The following PPP1R16B variants were observed in gnomAD, a reference collection of about 807,000 sequenced individuals.
PPP1R16B encodes the protein protein phosphatase 1 regulatory subunit 16B.
In PPP1R16B, 14 loss-of-function variants were observed where a neutral mutation model predicts 61.7. That is an observed-to-expected ratio of 0.23 (90% CI 0.15 to 0.35). The LOEUF is 0.35. PPP1R16B is among the 10% of genes least tolerant of loss of function. PPP1R16B has a pLI of 1.00. For synonymous variants in PPP1R16B, 266 were observed against 305.3 expected, an observed-to-expected ratio of 0.87 and a Z score of 1.34; for missense variants, 547 against 752.5, an observed-to-expected ratio of 0.73 and a Z score of 3.19.
chr20:38,865,984 C>T (rs2085087707), intron 2 of PPP1R16B, among the ~76,000 whole-genome samples: 3 of 151,958 alleles, frequency 2.0e-5, no homozygotes, highest in Admixed American at 2.0e-4. Flanking sequence ...ATTAGCCAGA[C>T]ATGGTGGCGT....
chr20:38,915,908 AG>A (rs1405923502), intron 10 of PPP1R16B, among the ~76,000 whole-genome samples: 2 of 151,972 alleles, frequency 1.3e-5, no homozygotes, highest in African/African-American at 2.4e-5. Context: ...GCCAAATTGC[AG>A]GCCCCAACCC....
At position 38,922,617 on chromosome 20, in the gene PPP1R16B, C is replaced by T. The variant is rs2085608698; in HGVS notation, c.*3951C>T. On this transcript the variant is annotated 3_prime_UTR_variant, in exon 11 of 11. Coordinates refer to ENST00000299824, the MANE Select transcript of PPP1R16B (RefSeq NM_015568.4). ...GCAAGTGCCACCGTGCGGGGCCTGGCTCTGCACACCCAGGAAAAGTCTGCA... is the reference window on the plus strand; with the variant it reads ...GCAAGTGCCACCGTGCGGGGCCTGGTTCTGCACACCCAGGAAAAGTCTGCA... 6.6e-6 allele frequency: 1 copy of T among 152,636 alleles called. No individual in the cohort carries two copies. Among genetic ancestry groups the T allele is most frequent in the South Asian group, 2.1e-4 (1 of 4,832 alleles). The allele number at this position is 152,636 out of a possible 1,614,324, so 9.5% of individuals were successfully genotyped here. A position where few individuals can be genotyped will look rare whatever the true frequency, so the allele number is the denominator to read the frequency against.
chr20:38,806,309 G>A lies in PPP1R16B; in HGVS notation c.-102+517G>A, dbSNP rs2084660828. ...AGGGCGCAGAGAGCGCTCCTGCCCG[G>A]GCGGGAAAGATCCCCAAGGCAGGCG... is the stretch of plus-strand genomic sequence containing the variant. On this transcript the variant is annotated intron_variant, in intron 1 of 10. Coordinates refer to ENST00000299824, the MANE Select transcript of PPP1R16B (RefSeq NM_015568.4). This position sits in a 1 kb window ranked among gnomAD's most constrained non-coding sequence, Gnocchi z 4.5. Among the ~76,000 whole-genome samples, 1 of 152,070 alleles carries A rather than the reference G, an allele frequency of 6.6e-6. No individual in the cohort carries two copies. Among genetic ancestry groups the A allele is most frequent in the South Asian group, 2.1e-4 (1 of 4,836 alleles).
At position 38,918,633 on chromosome 20, in the gene PPP1R16B, G is replaced by A; in HGVS notation, c.1671G>A (p.Glu557=). The part of the protein sequence containing the change: ...LKFKAPIEEM[E]EKVHGCCRIS ...TCAAGGCCCCCATAGAGGAGATGGA[G>A]GAGAAGGTGCATGGCTGTTGCCGTA... Residue 557 remains glutamate (E), a synonymous_variant, in exon 11 of 11, where the codon GAG becomes GAA. Coordinates refer to ENST00000299824, the MANE Select transcript of PPP1R16B (RefSeq NM_015568.4). The surrounding 1 kb of genome is among the most constrained non-coding windows in gnomAD (Gnocchi z 5.3). 6.6e-7 allele frequency: 1 copy of A among 1,518,028 alleles called. No homozygotes were observed. Among genetic ancestry groups the A allele is most frequent in the South Asian group, 1.3e-5 (1 of 75,216 alleles). 94.0% of individuals were successfully genotyped at this position (1,518,028 alleles called of 1,614,324 possible).
Position 38,906,064 on chromosome 20 carries a change from G to A in PPP1R16B, c.792G>A (p.Glu264=). The change falls in exon 7 of 11, where the codon GAG becomes GAA. Residue 264 remains glutamate, a synonymous_variant. Coordinates refer to ENST00000299824, the MANE Select transcript of PPP1R16B (RefSeq NM_015568.4). ...ATGTGAAGGACTGGGATGGCTGGGAGCCCCTGCATGCAGCTGCCTTCTGGG... is the reference window on the plus strand; with the variant it reads ...ATGTGAAGGACTGGGATGGCTGGGAACCCCTGCATGCAGCTGCCTTCTGGG... ...RVDVKDWDGW[E]PLHAAAFWGQ... 2.5e-6 allele frequency: 4 copies of A among 1,613,384 alleles called. No individual in the cohort carries two copies. The highest frequency in any genetic ancestry group is 3.4e-6 in the Non-Finnish European group (4 of 1,179,898).
At chr20:38,911,093 G>T (rs1246880733) in intron 10 of PPP1R16B, among the ~76,000 whole-genome samples, 2 of 151,694 alleles carry the variant, frequency 1.3e-5, no homozygotes, top group Non-Finnish European at 2.9e-5. Flanking sequence ...TGATCCTCTT[G>T]CCTCAGTCTC....
At chr20:38,868,141 A>G (rs1287029762) in intron 2 of PPP1R16B, among the ~76,000 whole-genome samples, 3 of 152,128 alleles carry the variant, frequency 2.0e-5, no homozygotes, top group African/African-American at 4.8e-5. Flanking sequence ...GTTACTGTGC[A>G]TCACTGTGAG....
Position 38,840,361 on chromosome 20 carries a change from G to A in PPP1R16B, c.250+4186G>A, listed in dbSNP as rs185057481. ...TGTGAGTTGTTTCCAGAGAAAGGCAGGCTAGGAACTCACTGAGTTTCATCC... is the reference window on the plus strand; with the variant it reads ...TGTGAGTTGTTTCCAGAGAAAGGCAAGCTAGGAACTCACTGAGTTTCATCC... On this transcript the variant is annotated intron_variant, in intron 2 of 10. Transcript: ENST00000299824. Among the ~76,000 whole-genome samples, 236 of 151,880 alleles carry A rather than the reference G, an allele frequency of 1.6e-3. 1 individual carries two copies. Among genetic ancestry groups the A allele is most frequent in the African/African-American group, 5.4e-3 (224 of 41,532 alleles).
At chr20:38,885,154 G>A (rs958693714) in intron 2 of PPP1R16B, among the ~76,000 whole-genome samples, 1 of 151,502 alleles carries the variant, frequency 6.6e-6, no homozygotes, top group African/African-American at 2.4e-5. Context: ...AAGAGTTTGA[G>A]ACCAGCCTGG....
At chr20:38,909,610 G>C (rs2085473076) in intron 10 of PPP1R16B, among the ~76,000 whole-genome samples, 1 of 152,180 alleles carries the variant, frequency 6.6e-6, no homozygotes. Context: ...ACTACACCAC[G>C]AACAGATGAA....
chr20:38,871,763 C>T (rs923921378), intron 2 of PPP1R16B, among the ~76,000 whole-genome samples: 1 of 152,024 alleles, frequency 6.6e-6, no homozygotes, highest in Non-Finnish European at 1.5e-5. Context: ...CAGAGCTCAT[C>T]GTCATGTGAC....
intron 2 of PPP1R16B, among the ~76,000 whole-genome samples, chr20:38,863,655 C>T (rs543234748): frequency 1.3e-5 from 2 of 152,286 alleles, no homozygotes; most frequent in South Asian, 2.1e-4. Flanking sequence ...CACAGTAACA[C>T]CCACCTCAAG....
At chr20:38,904,294 TG>T (rs1176533760) in intron 6 of PPP1R16B, among the ~76,000 whole-genome samples, 7 of 152,224 alleles carry the variant, frequency 4.6e-5, no homozygotes, top group African/African-American at 1.7e-4. Flanking sequence ...CTTCTCTACC[TG>T]GGCTGGGGCT....
chr20:38,841,730 G>T (rs1312267283), intron 2 of PPP1R16B, among the ~76,000 whole-genome samples: 1 of 152,164 alleles, frequency 6.6e-6, no homozygotes, highest in African/African-American at 2.4e-5. Flanking sequence ...TGCTTTCAAG[G>T]TTCATCCTTG....
At chr20:38,859,307 G>A (rs1189342985) in intron 2 of PPP1R16B, among the ~76,000 whole-genome samples, 3 of 151,442 alleles carry the variant, frequency 2.0e-5, no homozygotes, top group Non-Finnish European at 4.4e-5. Flanking sequence ...TTTTTTTGGC[G>A]GGGTGGGGGA....
At chr20:38,868,972 T>C (rs182693252) in intron 2 of PPP1R16B, among the ~76,000 whole-genome samples, 149 of 152,324 alleles carry the variant, frequency 9.8e-4, no homozygotes, top group Non-Finnish European at 1.2e-3. Flanking sequence ...ATATGTGGCC[T>C]ATGTTATATT....
At chr20:38,890,246 G>A (rs909682775) in intron 3 of PPP1R16B, among the ~76,000 whole-genome samples, 4 of 152,218 alleles carry the variant, frequency 2.6e-5, no homozygotes, top group South Asian at 4.1e-4. Context: ...CTCTGTCCAC[G>A]CAGCAGCCAT....
At chr20:38,827,652 A>T (rs192026550) in intron 1 of PPP1R16B, among the ~76,000 whole-genome samples, 1 of 152,360 alleles carries the variant, frequency 6.6e-6, no homozygotes, top group Non-Finnish European at 1.5e-5. Context: ...GGTTCATCCT[A>T]GCAGGAGTAG....
chr20:38,912,458 A>G (rs149424283), intron 10 of PPP1R16B, among the ~76,000 whole-genome samples: 5 of 147,440 alleles, frequency 3.4e-5, no homozygotes, highest in Non-Finnish European at 7.4e-5. Flanking sequence ...TTCTGAGCCT[A>G]GGAGTTACTG....
Sources: gnomAD v4.1 joint callset for allele counts (sites outside exome capture counted in the v4.1 genomes callset) on GRCh38, gnomAD v4.1.1 for gene constraint, Gnocchi (gnomAD v3.1) non-coding constraint, MANE v1.5 for transcripts, NCBI Gene and HGNC (gene_info 2026-07-23, HGNC 2026-07-21) for gene names.